The following NSD1 variants were observed in gnomAD, a reference collection of about 807,000 sequenced individuals.
NSD1 encodes the protein histone-lysine N-methyltransferase, H3 lysine-36 specific.
NSD1 carries 26 observed loss-of-function variants against 242.7 expected under a neutral mutation model. The ratio of observed to expected loss-of-function variants is 0.11; its 90% CI spans 0.08 to 0.15. The LOEUF (loss-of-function observed/expected upper bound fraction) is 0.15, where lower values mean the gene tolerates loss of function less well. Among genes scored for constraint, NSD1 ranks in the 10% least tolerant of loss-of-function variants. The pLI, the probability that NSD1 is intolerant of heterozygous loss-of-function variation, is 1.00. For synonymous variants in NSD1, 1,106 were observed against 1,178.1 expected (o/e 0.94, Z 1.25); for missense variants, 2,495 against 3,272.8 (o/e 0.76, Z 5.80).
chr5:177,164,302 G>T (rs981602531), intron 2 of NSD1, among the ~76,000 whole-genome samples: 1 of 151,740 alleles, frequency 6.6e-6, no homozygotes, highest in Non-Finnish European at 1.5e-5. Flanking sequence ...GATTACAGGC[G>T]CCTGCCACCA....
intron 10 of NSD1, chr5:177,247,908 G>A (rs1766428343): frequency 2.0e-6 from 2 of 984,990 alleles, no homozygotes; most frequent in Admixed American, 6.2e-5. Flanking sequence ...ACTTAAGAAT[G>A]TTTTCTCTCC....
chr5:177,241,020 GTCAA>G (rs750329444), intron 8 of NSD1, among the ~76,000 whole-genome samples: 7 of 152,060 alleles, frequency 4.6e-5, no homozygotes, highest in Non-Finnish European at 1.0e-4. Context: ...CCCTGTCTCA[GTCAA>G]TCAATCAATA....
intron 22 of NSD1, among the ~76,000 whole-genome samples, chr5:177,293,131 A>G (rs1221074252): frequency 2.0e-5 from 3 of 152,178 alleles, no homozygotes; most frequent in African/African-American, 7.2e-5. Context: ...GCAGGCTATG[A>G]TAGAACCAAT....
chr5:177,243,776 T>C (rs1481365224), intron 8 of NSD1, among the ~76,000 whole-genome samples: 1 of 152,058 alleles, frequency 6.6e-6, no homozygotes, highest in East Asian at 1.9e-4. Flanking sequence ...CACTGCAACC[T>C]CTGCCTCTCC....
intron 11 of NSD1, among the ~76,000 whole-genome samples, chr5:177,249,653 A>AT (rs1194003301): frequency 1.4e-4 from 22 of 151,852 alleles, no homozygotes; most frequent in African/African-American, 4.4e-4. Context: ...TGTCCAGCTA[A>AT]TTTTTTGTAT....
intron 5 of NSD1, among the ~76,000 whole-genome samples, chr5:177,233,161 A>G (rs1157532853): frequency 6.6e-6 from 1 of 151,958 alleles, no homozygotes; most frequent in Non-Finnish European, 1.5e-5. Flanking sequence ...AGTAGCCTTG[A>G]TCTTCCAGAC....
chr5:177,187,038 A>T (rs1331576280), intron 2 of NSD1, among the ~76,000 whole-genome samples: 1 of 152,018 alleles, frequency 6.6e-6, no homozygotes, highest in African/African-American at 2.4e-5. Flanking sequence ...AATGCAAAAA[A>T]CATGGTCTTT....
In NSD1 at chr5:177,137,173, T is replaced by C. The variant is rs1236595441; in HGVS notation, c.927+1143T>C. The C allele has an allele frequency of 2.5e-5, 9 of 360,352 alleles. No individual in the cohort carries two copies. The East Asian group carries it at 3.6e-4, about 15-fold the overall frequency. The allele number at this position is 360,352 out of a possible 1,614,324, so 22.3% of individuals were successfully genotyped here. A position where few individuals can be genotyped will look rare whatever the true frequency, so the allele number is the denominator to read the frequency against. ...TCACTTCTCTTAGCCTCAATTTTAT[T>C]GCGTCTAAATTCCAGAAGTTCTTGA... On this transcript the variant is annotated intron_variant, in intron 2 of 22. Transcript: ENST00000439151.
At chr5:177,217,296 A>G (rs192966365) in intron 5 of NSD1, among the ~76,000 whole-genome samples, 233 of 152,032 alleles carry the variant, frequency 1.5e-3, no homozygotes, top group African/African-American at 4.2e-3. Context: ...TTCCTTTTAT[A>G]TTGTTCATTA....
chr5:177,257,373 G>A (rs1028664370), intron 13 of NSD1, among the ~76,000 whole-genome samples: 1 of 151,900 alleles, frequency 6.6e-6, no homozygotes, highest in Non-Finnish European at 1.5e-5. Flanking sequence ...TGGGACTACA[G>A]GCGCCTGCCA....
intron 5 of NSD1, among the ~76,000 whole-genome samples, chr5:177,214,535 A>T (rs1037741113): frequency 3.9e-5 from 6 of 152,102 alleles, no homozygotes; most frequent in Non-Finnish European, 8.8e-5. Flanking sequence ...TGCTTCTGTG[A>T]ATTTGATTAC....
At chr5:177,278,378 G>A (rs1758570916) in intron 17 of NSD1, among the ~76,000 whole-genome samples, 1 of 152,162 alleles carries the variant, frequency 6.6e-6, no homozygotes, top group East Asian at 1.9e-4. Context: ...CGAAAGTGCT[G>A]GGATTACAGA....
upstream of NSD1, among the ~76,000 whole-genome samples, chr5:177,132,811 GA>G (rs1219340997): frequency 6.6e-6 from 1 of 151,952 alleles, no homozygotes; most frequent in African/African-American, 2.4e-5. This position sits in a 1 kb window ranked among gnomAD's most constrained non-coding sequence, Gnocchi z 7.5. Flanking sequence ...GGGATGGGGG[GA>G]GGGGGAAGGG....
intron 5 of NSD1, among the ~76,000 whole-genome samples, chr5:177,222,908 T>A (rs1764349272): frequency 6.6e-6 from 1 of 152,154 alleles, no homozygotes; most frequent in Non-Finnish European, 1.5e-5. Context: ...CTATTGTTGG[T>A]GTATGTTAGA....
intron 2 of NSD1, among the ~76,000 whole-genome samples, chr5:177,143,773 T>C (rs1158829598): frequency 6.7e-6 from 1 of 149,990 alleles, no homozygotes; most frequent in East Asian, 2.0e-4. Flanking sequence ...AAGTCTATGA[T>C]ACAAGATAAC....
rs1273902208 is a variant in NSD1 at position 177,272,197 on chromosome 5, A to C, written c.5510-1475A>C. On this transcript the variant is annotated intron_variant, in intron 16 of 22. Coordinates refer to ENST00000439151, the MANE Select transcript of NSD1 (RefSeq NM_022455.5). ...GAATGAGACTAATGGTGAATTGTTC[A>C]TGGGGATGGAGAATATGATTTATAT... Among the ~76,000 whole-genome samples the C allele has an allele frequency of 2.1e-5, 3 of 139,876 alleles. No homozygotes were observed. The East Asian group carries it at 6.7e-4, about 31-fold the overall frequency. 91.8% of individuals were successfully genotyped at this position (139,876 alleles called of 152,430 possible).
intron 21 of NSD1, among the ~76,000 whole-genome samples, chr5:177,290,404 A>G (rs1011587122): frequency 2.1e-5 from 3 of 146,264 alleles, no homozygotes; most frequent in Non-Finnish European, 4.5e-5. Context: ...AAAAGAGTAA[A>G]TAAATTTTTT....
At chr5:177,143,196 G>T (rs1392993888) in intron 2 of NSD1, among the ~76,000 whole-genome samples, 2 of 152,090 alleles carry the variant, frequency 1.3e-5, no homozygotes, top group Admixed American at 6.6e-5. Flanking sequence ...TTACAGGTTG[G>T]TTGGTTTTTT....
intron 5 of NSD1, 129 bp from the exon 6 acceptor site, chr5:177,235,692 T>C (rs1204570081): frequency 1.6e-6 from 2 of 1,230,672 alleles, no homozygotes; most frequent in Non-Finnish European, 2.3e-6. Flanking sequence ...TCTTGCATCT[T>C]AAGCCATAGT....
Sources: allele counts gnomAD v4.1 joint callset (sites outside exome capture counted in the v4.1 genomes callset), GRCh38; gene constraint gnomAD v4.1.1; non-coding constraint Gnocchi (gnomAD v3.1); transcripts MANE v1.5; gene names NCBI Gene and HGNC (gene_info 2026-07-23, HGNC 2026-07-21).